The following PCDHGA1 variants were observed in gnomAD, a reference collection of about 807,000 sequenced individuals.
The protein encoded by PCDHGA1 is protocadherin gamma-A1.
PCDHGA1 carries 32 observed loss-of-function variants against 58.0 expected under a neutral mutation model. The observed-to-expected ratio is 0.55, with a 90% CI of 0.42 to 0.74. The LOEUF is 0.74. Ranked by LOEUF, PCDHGA1 falls within the 30% of genes least tolerant of loss-of-function variation. The pLI is 0.00. For synonymous variants in PCDHGA1, 498 were observed against 501.1 expected, an observed-to-expected ratio of 0.99 and a Z score of 0.08; for missense variants, 1,205 against 1,182.3, an observed-to-expected ratio of 1.02 and a Z score of -0.28.
Position 141,485,609 on chromosome 5 carries a change from G to C in PCDHGA1, c.2422-9198G>C, listed in dbSNP as rs1432367043. On this transcript the variant is annotated intron_variant, in intron 1 of 3. Coordinates refer to ENST00000517417, the MANE Select transcript of PCDHGA1 (RefSeq NM_018912.3). The surrounding 1 kb of genome is among the most constrained non-coding windows in gnomAD (Gnocchi z 5.7). ...GCTGGACTTGGAAATTGGGGAGGCA[G>C]CTCCTCCAGGACAGCGTTTCCCGTT... The C allele has an allele frequency of 1.2e-6, 2 of 1,612,138 alleles. No homozygotes were observed. Among genetic ancestry groups the C allele is most frequent in the Non-Finnish European group, 1.7e-6 (2 of 1,178,664 alleles).
At chr5:141,446,985 C>T (rs1411339328) in intron 1 of PCDHGA1, among the ~76,000 whole-genome samples, 1 of 152,064 alleles carries the variant, frequency 6.6e-6, no homozygotes, top group Non-Finnish European at 1.5e-5. Context: ...AATTCATACT[C>T]CACTCTTCAG....
At chr5:141,507,831 T>C (rs2099864030) in intron 3 of PCDHGA1, among the ~76,000 whole-genome samples, 1 of 152,134 alleles carries the variant, frequency 6.6e-6, no homozygotes, top group African/African-American at 2.4e-5. Context: ...GTGGAGGTGG[T>C]GGGTCAGGCC....
intron 1 of PCDHGA1, chr5:141,340,602 G>A (rs1224477902): frequency 1.2e-6 from 2 of 1,614,204 alleles, no homozygotes; most frequent in East Asian, 2.2e-5. Context: ...CCACTCAGTA[G>A]CAATGTATCA....
At chr5:141,339,968 G>A (rs763974102) in intron 1 of PCDHGA1, 3 of 1,614,138 alleles carry the variant, frequency 1.9e-6, no homozygotes, top group Non-Finnish European at 2.5e-6. Context: ...CAGAGCGAAG[G>A]TTATCGTCAC....
chr5:141,397,909 T>G lies in PCDHGA1; in HGVS notation c.2421+64804T>G, dbSNP rs1004406261. On this transcript the variant is annotated intron_variant, in intron 1 of 3. Coordinates refer to ENST00000517417, the MANE Select transcript of PCDHGA1 (RefSeq NM_018912.3). Reference sequence around the variant, plus strand: ...TTGGCCAAAGTGCAGAGCTTGGCGCTCCAGATCTCCTCGCGCAGCCGCAGC... The same window carrying G: ...TTGGCCAAAGTGCAGAGCTTGGCGCGCCAGATCTCCTCGCGCAGCCGCAGC... 114 of 677,396 alleles carry G rather than the reference T, an allele frequency of 1.7e-4. No individual in the cohort carries two copies. In the East Asian group the frequency reaches 2.8e-3, roughly 17 times the overall value. The allele number at this position is 677,396 out of a possible 1,614,324, so 42.0% of individuals were successfully genotyped here. A position where few individuals can be genotyped will look rare whatever the true frequency, so the allele number is the denominator to read the frequency against.
chr5:141,381,758 A>C (rs1777407424), intron 1 of PCDHGA1, among the ~76,000 whole-genome samples: 1 of 151,374 alleles, frequency 6.6e-6, no homozygotes. Context: ...TTGTTCTACT[A>C]CTATATAATC....
At chr5:141,375,929 CT>C (rs1378296851) in intron 1 of PCDHGA1, 3 of 1,613,620 alleles carry the variant, frequency 1.9e-6, no homozygotes, top group Non-Finnish European at 1.7e-6. Context: ...CGAGCCAGGA[CT>C]TTTCTCAGTG....
intron 1 of PCDHGA1, among the ~76,000 whole-genome samples, chr5:141,467,361 G>A (rs555435172): frequency 1.3e-5 from 2 of 151,860 alleles, no homozygotes; most frequent in South Asian, 4.2e-4. Context: ...CCAAATCAAC[G>A]TTTTCTTATA....
At chr5:141,348,388 G>A (rs1245870631) in intron 1 of PCDHGA1, among the ~76,000 whole-genome samples, 2 of 152,024 alleles carry the variant, frequency 1.3e-5, no homozygotes, top group Admixed American at 1.3e-4. Context: ...GGGCAACATA[G>A]CATGACCCTG....
chr5:141,361,338 T>C, intron 1 of PCDHGA1: 2 of 1,613,948 alleles, frequency 1.2e-6, no homozygotes, highest in Non-Finnish European at 1.7e-6. Context: ...CAAAGAACTA[T>C]TACAAACTAG....
chr5:141,357,966 G>T (rs1480314372), intron 1 of PCDHGA1, among the ~76,000 whole-genome samples: 1 of 152,286 alleles, frequency 6.6e-6, no homozygotes, highest in East Asian at 1.9e-4. Flanking sequence ...GAGGAGGACG[G>T]ATTGCCTGAG....
At chr5:141,345,284 A>C (rs1358924038) in intron 1 of PCDHGA1, 1 of 1,613,860 alleles carries the variant, frequency 6.2e-7, no homozygotes. Flanking sequence ...AAATATCAGA[A>C]TATAACATTA....
At chr5:141,358,948 G>A (rs183481542) in intron 1 of PCDHGA1, among the ~76,000 whole-genome samples, 2 of 152,276 alleles carry the variant, frequency 1.3e-5, no homozygotes, top group East Asian at 3.9e-4. Context: ...TGTTCTTTGT[G>A]CTTTCATTTA....
intron 1 of PCDHGA1, chr5:141,361,846 G>A (rs1762210359): frequency 1.2e-6 from 2 of 1,612,604 alleles, no homozygotes; most frequent in African/African-American, 1.3e-5. Flanking sequence ...GGGGCCTGAT[G>A]GCTCCGCCCT....
intron 1 of PCDHGA1, chr5:141,400,071 GC>G: frequency 6.2e-7 from 1 of 1,613,942 alleles, no homozygotes; most frequent in Non-Finnish European, 8.5e-7. Flanking sequence ...GTGGACAGCC[GC>G]CACTCTCCGC....
chr5:141,440,075 T>C (rs2098148518), intron 1 of PCDHGA1: 1 of 152,428 alleles, frequency 6.6e-6, no homozygotes, highest in Non-Finnish European at 1.5e-5. Flanking sequence ...TGAGGAATAA[T>C]ACTTCATTCT....
chr5:141,344,538 A>T (rs1229655553), intron 1 of PCDHGA1: 4 of 1,614,034 alleles, frequency 2.5e-6, no homozygotes, highest in Non-Finnish European at 3.4e-6. Context: ...CTCCCTGCAG[A>T]ACTACAAGCT....
At chr5:141,395,088 C>G (rs778953049) in intron 1 of PCDHGA1, 31 of 1,614,076 alleles carry the variant, frequency 1.9e-5, no homozygotes, top group East Asian at 6.7e-5. Flanking sequence ...GGAAGTCTCC[C>G]TCACCGCCGA....
chr5:141,333,450 G>A (rs982463006), intron 1 of PCDHGA1: 1 of 416,712 alleles, frequency 2.4e-6, no homozygotes, highest in African/African-American at 2.1e-5. Context: ...ATTAGAAAAG[G>A]CTCACCAATA....
Sources: gnomAD v4.1 joint callset for allele counts (sites outside exome capture counted in the v4.1 genomes callset) on GRCh38, gnomAD v4.1.1 for gene constraint, Gnocchi (gnomAD v3.1) non-coding constraint, MANE v1.5 for transcripts, NCBI Gene and HGNC (gene_info 2026-07-23, HGNC 2026-07-21) for gene names.